The following SRPK2 variants were observed in gnomAD, a reference collection of about 807,000 sequenced individuals.
SRPK2 encodes SFRS protein kinase 2.
A neutral mutation model predicts 90.8 loss-of-function variants in SRPK2; 21 were observed. That is an observed-to-expected ratio of 0.23 (90% CI 0.16 to 0.33). The LOEUF (loss-of-function observed/expected upper bound fraction) is 0.33. Among genes scored for constraint, SRPK2 ranks in the 10% least tolerant of loss-of-function variants. The pLI, the probability that SRPK2 is intolerant of heterozygous loss-of-function variation, is 1.00. For synonymous variants in SRPK2, 288 were observed against 311.1 expected (o/e 0.93, Z 0.78); for missense variants, 620 against 869.0 (o/e 0.71, Z 3.60).
chr7:105,376,872 T>C (rs1585965521), intron 2 of SRPK2, among the ~76,000 whole-genome samples: 2 of 47,840 alleles, frequency 4.2e-5, no homozygotes, highest in Non-Finnish European at 7.3e-5. Flanking sequence ...AAAAAGCACC[T>C]TTTCTCCTTT....
At chr7:105,362,809 G>A (rs376640119) in intron 2 of SRPK2, among the ~76,000 whole-genome samples, 22 of 152,258 alleles carry the variant, frequency 1.4e-4, no homozygotes, top group African/African-American at 5.3e-4. Context: ...ATGTCCATCA[G>A]TGATAGACTG....
At chr7:105,142,617 G>A in intron 10 of SRPK2, 127 bp from the exon 11 acceptor site, 1 of 1,284,468 alleles carries the variant, frequency 7.8e-7, no homozygotes, top group Middle Eastern at 2.6e-4. Flanking sequence ...AACACCTCTT[G>A]GCTTTTGGGG....
At position 105,126,082 on chromosome 7, in the gene SRPK2, G is replaced by T. The variant is rs74660579; in HGVS notation, c.1915+166C>A. Reference sequence around the variant, plus strand: ...GGTGAACAGGGTGACCGCAGCACAGGGCTAAATGTGGTCTTCCCTGACAAT... The same window carrying T: ...GGTGAACAGGGTGACCGCAGCACAGTGCTAAATGTGGTCTTCCCTGACAAT... On this transcript the variant is annotated intron_variant, in intron 15 of 15. Transcript: ENST00000393651. Among the ~76,000 whole-genome samples, 241 of 152,294 alleles carry T rather than the reference G, an allele frequency of 1.6e-3. 1 individual carries two copies. Among genetic ancestry groups the T allele is most frequent in the African/African-American group, 5.5e-3 (228 of 41,568 alleles).
At chr7:105,312,699 A>C (rs1811854459) in intron 2 of SRPK2, among the ~76,000 whole-genome samples, 1 of 152,224 alleles carries the variant, frequency 6.6e-6, no homozygotes, top group Non-Finnish European at 1.5e-5. Context: ...GGAAGCCAGT[A>C]AATCAACTAT....
In SRPK2 at chr7:105,388,830, G is replaced by C; in HGVS notation, c.-24C>G. The C allele has an allele frequency of 7.4e-7, 1 of 1,348,404 alleles. No individual in the cohort carries two copies. Among genetic ancestry groups the C allele is most frequent in the South Asian group, 1.9e-5 (1 of 52,298 alleles). The allele number at this position is 1,348,404 out of a possible 1,614,324, so 83.5% of individuals were successfully genotyped here. A position where few individuals can be genotyped will look rare whatever the true frequency, so the allele number is the denominator to read the frequency against. On this transcript the variant is annotated 5_prime_UTR_variant, in exon 1 of 16. Transcript: ENST00000393651. ...ATTCCGACGCGGCGGAAGCGGGGCG[G>C]GGGGCTTCGCGACGGCGACGCGGGC...
chr7:105,235,218 T>C (rs1432827661), intron 2 of SRPK2, among the ~76,000 whole-genome samples: 1 of 152,248 alleles, frequency 6.6e-6, no homozygotes, highest in Non-Finnish European at 1.5e-5. Context: ...CTTGTAGGAA[T>C]AGAGATAAAA....
chr7:105,180,716 C>T (rs986430582), intron 3 of SRPK2, among the ~76,000 whole-genome samples: 1 of 152,192 alleles, frequency 6.6e-6, no homozygotes. Flanking sequence ...CGAGATGGTG[C>T]CACTGCACTC....
intron 2 of SRPK2, among the ~76,000 whole-genome samples, chr7:105,210,659 G>A (rs1024554633): frequency 2.6e-5 from 4 of 152,164 alleles, no homozygotes; most frequent in African/African-American, 9.7e-5. Flanking sequence ...AGATCTGTGA[G>A]TGTGAGATAT....
At chr7:105,234,345 A>G (rs1799876037) in intron 2 of SRPK2, among the ~76,000 whole-genome samples, 1 of 152,188 alleles carries the variant, frequency 6.6e-6, no homozygotes, top group South Asian at 2.1e-4. Flanking sequence ...ATGTAAACTA[A>G]TATTTCATCA....
intron 2 of SRPK2, among the ~76,000 whole-genome samples, chr7:105,330,422 G>GT (rs1425845933): frequency 1.3e-5 from 2 of 151,978 alleles, no homozygotes; most frequent in Non-Finnish European, 2.9e-5. Context: ...ATTGACTCCT[G>GT]TCTCCATTTC....
intron 2 of SRPK2, among the ~76,000 whole-genome samples, chr7:105,280,789 T>C (rs933372518): frequency 2.7e-5 from 4 of 149,088 alleles, no homozygotes; most frequent in African/African-American, 1.0e-4. Context: ...CTACTAAAAA[T>C]ACAAAAAATT....
chr7:105,335,882 G>A (rs896728259), intron 2 of SRPK2, among the ~76,000 whole-genome samples: 86 of 152,052 alleles, frequency 5.7e-4, no homozygotes, highest in African/African-American at 2.0e-3. Flanking sequence ...CTTGAAGCTG[G>A]GAGGCAGAGG....
chr7:105,396,804 A>G (rs1304507714), intron 1 of SRPK2, among the ~76,000 whole-genome samples: 17 of 54,854 alleles, frequency 3.1e-4, no homozygotes, highest in African/African-American at 7.4e-4. Flanking sequence ...GAGAAAGAGA[A>G]AGAAAGAAAG....
chr7:105,396,811 A>G (rs1038943023), intron 1 of SRPK2, among the ~76,000 whole-genome samples: 1 of 82,640 alleles, frequency 1.2e-5, no homozygotes, highest in Non-Finnish European at 2.9e-5. Flanking sequence ...AGAAAGAAAG[A>G]AAGAGAGAAA....
intron 2 of SRPK2, among the ~76,000 whole-genome samples, chr7:105,213,383 TGAAACTGAAG>T (rs1257831703): frequency 6.6e-6 from 1 of 152,076 alleles, no homozygotes; most frequent in Non-Finnish European, 1.5e-5. Context: ...CAAAGGTGAT[TGAAACTGAAG>T]CATACTGAAG....
intron 11 of SRPK2, among the ~76,000 whole-genome samples, chr7:105,134,993 A>C (rs746971164): frequency 2.0e-5 from 3 of 152,144 alleles, no homozygotes; most frequent in Non-Finnish European, 4.4e-5. Context: ...CAGCACAAAG[A>C]CCAAAAAAGA....
At chr7:105,347,222 C>T (rs940531917) in intron 2 of SRPK2, among the ~76,000 whole-genome samples, 7 of 151,924 alleles carry the variant, frequency 4.6e-5, no homozygotes, top group African/African-American at 1.7e-4. Context: ...TGCCACCGCG[C>T]CCGGCTAATT....
chr7:105,242,137 A>G (rs1585315817), intron 2 of SRPK2, among the ~76,000 whole-genome samples: 1 of 152,360 alleles, frequency 6.6e-6, no homozygotes, highest in African/African-American at 2.4e-5. Flanking sequence ...AATGAATATG[A>G]TATCAAATGA....
chr7:105,285,385 C>CACA (rs1807943814), intron 2 of SRPK2, among the ~76,000 whole-genome samples: 1 of 106,236 alleles, frequency 9.4e-6, no homozygotes, highest in Admixed American at 1.0e-4. Flanking sequence ...ACCCCGTCTC[C>CACA]AAAAAAAAAA....
Sources: allele counts gnomAD v4.1 joint callset (sites outside exome capture counted in the v4.1 genomes callset), GRCh38; gene constraint gnomAD v4.1.1; transcripts MANE v1.5; gene names NCBI Gene and HGNC (gene_info 2026-07-23, HGNC 2026-07-21).